DPP6: variants seen among roughly 807,000 people sequenced by gnomAD.
DPP6 encodes dipeptidyl peptidase like 6.
DPP6 carries 69 observed loss-of-function variants against 122.6 expected under a neutral mutation model. That is an observed-to-expected ratio of 0.56 (90% CI 0.46 to 0.69). The LOEUF (loss-of-function observed/expected upper bound fraction) is 0.69, where lower values mean the gene tolerates loss of function less well. Ranked by LOEUF, DPP6 falls within the 30% of genes least tolerant of loss-of-function variation. The pLI, the probability that DPP6 is intolerant of heterozygous loss-of-function variation, is 0.00. For missense variants in DPP6, 928 were observed against 1,116.9 expected, an observed-to-expected ratio of 0.83 and a Z score of 2.41; for synonymous variants, 418 against 433.1, an observed-to-expected ratio of 0.97 and a Z score of 0.43.
At chr7:154,521,434 G>C (rs539016604) in intron 3 of DPP6, among the ~76,000 whole-genome samples, 1 of 151,030 alleles carries the variant, frequency 6.6e-6, no homozygotes, top group South Asian at 2.1e-4. Context: ...GAGGGCCTTC[G>C]TTGTTTCAGT....
rs190138014 is a variant in DPP6 at position 154,483,988 on chromosome 7, C to T, written c.457+8951C>T. 1.0e-3 allele frequency among the ~76,000 whole-genome samples: 157 copies of T among 152,298 alleles called. No individual in the cohort carries two copies. The highest frequency in any genetic ancestry group is 3.5e-3 in the African/African-American group (145 of 41,556). ...GATTACAGATGTGAGCCACCACGCCCGGCCCAGGTTAAATTTTATTTATGT... is the reference window on the plus strand; with the variant it reads ...GATTACAGATGTGAGCCACCACGCCTGGCCCAGGTTAAATTTTATTTATGT... On this transcript the variant is annotated intron_variant, in intron 3 of 25. Coordinates refer to ENST00000377770, the MANE Select transcript of DPP6 (RefSeq NM_130797.4). The surrounding 1 kb of genome is among the most constrained non-coding windows in gnomAD (Gnocchi z 8.1).
intron 1 of DPP6, among the ~76,000 whole-genome samples, chr7:154,348,969 C>T (rs542515482): frequency 6.6e-6 from 1 of 152,258 alleles, no homozygotes; most frequent in Admixed American, 6.5e-5. Context: ...GTTGCCTGTT[C>T]TCTGTTGTTT....
chr7:154,885,347 C>T lies in DPP6; in HGVS notation c.2134-286C>T, dbSNP rs1806057011. The stretch of plus-strand genomic sequence containing the variant: ...TGAAGGACAGCACCTTACACCTGTG[C>T]AGTCCACACTTGCCTTTCCAATTCG... On this transcript the variant is annotated intron_variant, in intron 21 of 25. Coordinates refer to ENST00000377770, the MANE Select transcript of DPP6 (RefSeq NM_130797.4). 7.7e-6 allele frequency: 3 copies of T among 388,514 alleles called. No individual in the cohort carries two copies. The South Asian group carries it at 7.9e-5, about 10-fold the overall frequency. 24.1% of individuals were successfully genotyped at this position (388,514 alleles called of 1,614,324 possible).
chr7:154,218,793 C>T (rs1282617402), intron 1 of DPP6, among the ~76,000 whole-genome samples: 1 of 152,322 alleles, frequency 6.6e-6, no homozygotes, highest in African/African-American at 2.4e-5. Context: ...TTGTAAATCA[C>T]TTTTCTATTA....
chr7:154,523,226 T>C (rs905413364), intron 3 of DPP6, among the ~76,000 whole-genome samples: 3 of 152,202 alleles, frequency 2.0e-5, no homozygotes, highest in Admixed American at 6.5e-5. Flanking sequence ...GTTCTTTTCT[T>C]TTTTTTGAGA....
the DPP6 span, among the ~76,000 whole-genome samples, chr7:153,835,021 G>C: frequency 6.6e-6 from 1 of 152,168 alleles, no homozygotes; most frequent in African/African-American, 2.4e-5. Context: ...TGTTTATCTT[G>C]GCTAAAGTAA....
the DPP6 span, among the ~76,000 whole-genome samples, chr7:153,790,903 T>C: frequency 6.6e-6 from 1 of 152,160 alleles, no homozygotes; most frequent in Non-Finnish European, 1.5e-5. Flanking sequence ...AACAAAGGTG[T>C]CTGGTGAACA....
chr7:154,498,059 A>G (rs1824907930), intron 3 of DPP6, among the ~76,000 whole-genome samples: 1 of 152,210 alleles, frequency 6.6e-6, no homozygotes, highest in Non-Finnish European at 1.5e-5. Context: ...GGGAGAGAAT[A>G]ATATCAGAGG....
At chr7:154,012,595 T>G (rs1304444781) in intron 1 of DPP6, among the ~76,000 whole-genome samples, 1 of 152,120 alleles carries the variant, frequency 6.6e-6, no homozygotes, top group African/African-American at 2.4e-5. Context: ...TGGAATCTAT[T>G]AAGAATGCTA....
At chr7:153,837,904 C>A in the DPP6 span, among the ~76,000 whole-genome samples, 1 of 140,800 alleles carries the variant, frequency 7.1e-6, no homozygotes, top group African/African-American at 2.7e-5. Context: ...GAACTCCTGA[C>A]CTCAGGTGAT....
intron 19 of DPP6, among the ~76,000 whole-genome samples, chr7:154,873,825 C>A (rs1289760546): frequency 7.4e-6 from 1 of 135,716 alleles, no homozygotes; most frequent in African/African-American, 2.6e-5. Flanking sequence ...TGCACACACG[C>A]ATACATAAAC....
At chr7:154,695,148 A>G (rs1321812948) in intron 7 of DPP6, among the ~76,000 whole-genome samples, 1 of 152,208 alleles carries the variant, frequency 6.6e-6, no homozygotes, top group Non-Finnish European at 1.5e-5. Context: ...CGGCAAGGAC[A>G]CAGATTTGGG....
At position 154,062,843 on chromosome 7, in the gene DPP6, C is replaced by A. The variant is rs180948143; in HGVS notation, c.243+9780C>A. ...GGCACCCCCCGCGAGGCGGGGACTG[C>A]GAGCCAGACCCTCTTCCTCCCCCAG... On this transcript the variant is annotated intron_variant, in intron 1 of 25. Coordinates refer to ENST00000377770, the MANE Select transcript of DPP6 (RefSeq NM_130797.4). Among the ~76,000 whole-genome samples the A allele has an allele frequency of 4.9e-3, 599 of 121,194 alleles. 82 individuals are homozygous for A. The highest frequency in any genetic ancestry group is 0.015 in the African/African-American group (479 of 32,084). The allele number at this position is 121,194 out of a possible 152,430, so 79.5% of individuals were successfully genotyped here. A position where few individuals can be genotyped will look rare whatever the true frequency, so the allele number is the denominator to read the frequency against.
Position 154,148,407 on chromosome 7 carries a change from C to A in DPP6, c.243+95344C>A, listed in dbSNP as rs1456626092. Among the ~76,000 whole-genome samples the A allele has an allele frequency of 2.6e-5, 4 of 151,306 alleles. No individual in the cohort carries two copies. In the South Asian group the frequency reaches 8.4e-4, roughly 32 times the overall value. On this transcript the variant is annotated intron_variant, in intron 1 of 25. Coordinates refer to ENST00000377770, the MANE Select transcript of DPP6 (RefSeq NM_130797.4). The stretch of plus-strand genomic sequence containing the variant: ...GAAGGCAGAGCCTGCCCTGAGGGAA[C>A]CGGGAGGTGTTCCGCGCAGGCTCTG...
chr7:154,645,905 G>A (rs1458353184), intron 6 of DPP6, among the ~76,000 whole-genome samples: 1 of 151,726 alleles, frequency 6.6e-6, no homozygotes, highest in Non-Finnish European at 1.5e-5. Flanking sequence ...GTGGGCACCT[G>A]TAGTCCCAGC....
chr7:154,543,269 A>T (rs2130284005), intron 4 of DPP6, among the ~76,000 whole-genome samples: 1 of 152,312 alleles, frequency 6.6e-6, no homozygotes, highest in African/African-American at 2.4e-5. Context: ...AGGAATTGGT[A>T]AATTCTGTGG....
chr7:154,671,665 A>G (rs1838563911), intron 7 of DPP6, among the ~76,000 whole-genome samples: 1 of 152,168 alleles, frequency 6.6e-6, no homozygotes, highest in South Asian at 2.1e-4. Context: ...GTGTGCATGC[A>G]CACACTTTAG....
In DPP6 at chr7:154,058,467, C is replaced by A. The variant is rs1239018693; in HGVS notation, c.243+5404C>A. 3.0e-5 allele frequency: 4 copies of A among 135,114 alleles called. 1 individual carries two copies. Among genetic ancestry groups the A allele is most frequent in the Middle Eastern group, 4.6e-3 (1 of 216 alleles). The allele number at this position is 135,114 out of a possible 1,614,324, so 8.4% of individuals were successfully genotyped here. ...CTCTTCCGCACCTGGCTGTTGGTAC[C>A]CCCATCGTAGGGGGGGGGAGGCACC... On this transcript the variant is annotated intron_variant, in intron 1 of 25. Transcript: ENST00000377770.
At chr7:153,784,398 C>G in the DPP6 span, among the ~76,000 whole-genome samples, 2 of 152,106 alleles carry the variant, frequency 1.3e-5, no homozygotes, top group African/African-American at 4.8e-5. Context: ...GTTTATTCAG[C>G]CTTGTCCATT....
Sources: gnomAD v4.1 joint callset for allele counts (sites outside exome capture counted in the v4.1 genomes callset) on GRCh38, gnomAD v4.1.1 for gene constraint, Gnocchi (gnomAD v3.1) non-coding constraint, MANE v1.5 for transcripts, NCBI Gene and HGNC (gene_info 2026-07-23, HGNC 2026-07-21) for gene names.